Variants in PANK3 observed in about 807,000 individuals in gnomAD.
The protein encoded by PANK3 is pantothenate kinase 3, also known as hPanK3.
PANK3 carries 20 observed loss-of-function variants against 39.4 expected under a neutral mutation model. That is an observed-to-expected ratio of 0.51 (90% confidence interval 0.36 to 0.74). The LOEUF is 0.74. PANK3 is among the 30% of genes least tolerant of loss of function. The probability of loss-of-function intolerance (pLI) is 0.00; values close to 1 mark genes in which losing one functional copy is unlikely to be tolerated. For missense variants in PANK3, 265 were observed against 437.0 expected (o/e 0.61, Z 3.51); for synonymous variants, 140 against 157.3 (o/e 0.89, Z 0.82).
chr5:168,551,186 T>C lies in PANK3; in HGVS notation c.*6385A>G, dbSNP rs1276601023. The C allele has an allele frequency of 1.3e-5, 2 of 152,154 alleles. No individual in the cohort carries two copies. Among genetic ancestry groups the C allele is most frequent in the South Asian group, 2.1e-4 (1 of 4,828 alleles). The allele number at this position is 152,154 out of a possible 1,614,324, so 9.4% of individuals were successfully genotyped here. On this transcript the variant is annotated 3_prime_UTR_variant, in exon 7 of 7. Transcript: ENST00000239231. ...TAAATATTGAAAAGAGGCAGTAATA[T>C]AGATAAAACACACTATTTTCTGAGA...
intron 2 of PANK3, among the ~76,000 whole-genome samples, chr5:168,567,822 A>G (rs548350212): frequency 6.6e-6 from 1 of 152,146 alleles, no homozygotes; most frequent in African/African-American, 2.4e-5. Flanking sequence ...GTCCCACTAT[A>G]TTGCCCAGGC....
At position 168,569,030 on chromosome 5, in the gene PANK3, A is replaced by AAATATATATATATAT. The variant is rs1554125888; in HGVS notation, c.29-33_29-32insATATATATATATATT. On this transcript the variant is annotated intron_variant, in intron 1 of 6. Coordinates refer to ENST00000239231, the MANE Select transcript of PANK3 (RefSeq NM_024594.4). ...GAGGAAAAAAAAAAAAAAAAAAAAA[A>AAATATATATATATAT]ATATATATATATATATATATCCATT... 4.0e-3 allele frequency: 476 copies of AAATATATATATATAT among 119,914 alleles called. 4 individuals carry two copies. Among genetic ancestry groups the AAATATATATATATAT allele is most frequent in the Admixed American group, 7.2e-3 (39 of 5,432 alleles). 7.4% of individuals were successfully genotyped at this position (119,914 alleles called of 1,614,324 possible). A position where few individuals can be genotyped will look rare whatever the true frequency, so the allele number is the denominator to read the frequency against.
intron 5 of PANK3, among the ~76,000 whole-genome samples, chr5:168,560,103 C>A (rs1759422925): frequency 6.6e-6 from 1 of 152,092 alleles, no homozygotes; most frequent in Non-Finnish European, 1.5e-5. Flanking sequence ...ATTGTTAACT[C>A]AATTGGTCAG....
Position 168,556,163 on chromosome 5 carries a change from G to C in PANK3, c.*1408C>G, listed in dbSNP as rs1273733006. ...CTCCAGATTCAGGCAAGGGGAATAG[G>C]AAAGAAAGTGCGAGATAAGAGCATG... On this transcript the variant is annotated 3_prime_UTR_variant, in exon 7 of 7. Coordinates refer to ENST00000239231, the MANE Select transcript of PANK3 (RefSeq NM_024594.4). 6.6e-6 allele frequency: 1 copy of C among 152,212 alleles called. No individual in the cohort carries two copies. The highest frequency in any genetic ancestry group is 1.5e-5 in the Non-Finnish European group (1 of 68,050). The allele number at this position is 152,212 out of a possible 1,614,324, so 9.4% of individuals were successfully genotyped here.
Position 168,579,247 on chromosome 5 carries a change from C to A in PANK3, c.28+9G>T, listed in dbSNP as rs1216656681. On this transcript the variant is annotated intron_variant, in intron 1 of 6. Transcript: ENST00000239231. The stretch of plus-strand genomic sequence containing the variant: ...CTCCCAACCTGGCGGGCCCCAGCCC[C>A]CGTCTTACAGGGTTTCTTGGCATCT... The A allele has an allele frequency of 2.7e-6, 4 of 1,491,554 alleles. No homozygotes were observed. The highest frequency in any genetic ancestry group is 3.6e-6 in the Non-Finnish European group (4 of 1,118,172). The allele number at this position is 1,491,554 out of a possible 1,614,324, so 92.4% of individuals were successfully genotyped here.
At chr5:168,561,340 G>T in intron 5 of PANK3, 53 bp downstream of exon 5, 1 of 1,501,326 alleles carries the variant, frequency 6.7e-7, no homozygotes, top group South Asian at 1.3e-5. Flanking sequence ...GTGTATATAG[G>T]ACTCCAATTC....
intron 3 of PANK3, among the ~76,000 whole-genome samples, chr5:168,564,560 A>G (rs950576479): frequency 8.5e-5 from 13 of 152,122 alleles, no homozygotes; most frequent in African/African-American, 3.1e-4. Flanking sequence ...CAGCCTCCGC[A>G]GCAGCTAGAC....
chr5:168,551,823 G>A lies in PANK3; in HGVS notation c.*5748C>T, dbSNP rs1253791642. On this transcript the variant is annotated 3_prime_UTR_variant, in exon 7 of 7. Transcript: ENST00000239231. ...GAGTCTAATATTTGGCAAATAATCT[G>A]AACCACTTTAAGGGCTTTCAATTAC... 2 of 152,112 alleles carry A rather than the reference G, an allele frequency of 1.3e-5. No individual in the cohort carries two copies. Among genetic ancestry groups the A allele is most frequent in the Non-Finnish European group, 2.9e-5 (2 of 68,026 alleles). 9.4% of individuals were successfully genotyped at this position (152,112 alleles called of 1,614,324 possible).
At position 168,557,433 on chromosome 5, in the gene PANK3, CCTTTAA is replaced by C; in HGVS notation, c.*132_*137del. 1.4e-6 allele frequency: 1 copy of C among 717,492 alleles called. No homozygotes were observed. The highest frequency in any genetic ancestry group is 2.3e-6 in the Non-Finnish European group (1 of 427,750). The allele number at this position is 717,492 out of a possible 1,614,324, so 44.4% of individuals were successfully genotyped here. A position where few individuals can be genotyped will look rare whatever the true frequency, so the allele number is the denominator to read the frequency against. ...AATACTTCACGTTACCAAGTTCTCT[CCTTTAA>C]TATGGCAACATTCAGCAGCTTATGC... On this transcript the variant is annotated 3_prime_UTR_variant, in exon 7 of 7. Coordinates refer to ENST00000239231, the MANE Select transcript of PANK3 (RefSeq NM_024594.4).
At chr5:168,559,981 G>A (rs1471571369) in intron 5 of PANK3, among the ~76,000 whole-genome samples, 1 of 152,082 alleles carries the variant, frequency 6.6e-6, no homozygotes, top group African/African-American at 2.4e-5. Context: ...TCTTACAAAG[G>A]GGAACTGGTG....
intron 1 of PANK3, among the ~76,000 whole-genome samples, chr5:168,574,798 T>C (rs961060461): frequency 1.1e-4 from 17 of 152,076 alleles, no homozygotes; most frequent in African/African-American, 4.1e-4. Flanking sequence ...GAGGCAGAGG[T>C]TGCAGTGAGC....
intron 4 of PANK3, among the ~76,000 whole-genome samples, chr5:168,562,666 C>T (rs1759465341): frequency 6.6e-6 from 1 of 152,048 alleles, no homozygotes; most frequent in Non-Finnish European, 1.5e-5. Context: ...TTGGAGAGGC[C>T]TTTTTAAATG....
intron 3 of PANK3, among the ~76,000 whole-genome samples, 174 bp downstream of exon 3, chr5:168,565,831 TGGGCAACA>T (rs1759513744): frequency 1.4e-5 from 2 of 138,676 alleles, no homozygotes; most frequent in African/African-American, 5.3e-5. Context: ...AAGAGCAGCC[TGGGCAACA>T]TGGCACCCTC....
chr5:168,561,381 T>G lies in PANK3; in HGVS notation c.936+12A>C, dbSNP rs200108400. The G allele has an allele frequency of 6.4e-7, 1 of 1,565,038 alleles. No individual in the cohort carries two copies. Among genetic ancestry groups the G allele is most frequent in the Non-Finnish European group, 8.6e-7 (1 of 1,160,408 alleles). ...TTTGATAATTCAAGTTTTGTGTTTTTTGTTTTTTTACCTCATTAACAGCAC... is the reference window on the plus strand; with the variant it reads ...TTTGATAATTCAAGTTTTGTGTTTTGTGTTTTTTTACCTCATTAACAGCAC... On this transcript the variant is annotated intron_variant, in intron 5 of 6. Transcript: ENST00000239231.
chr5:168,563,899 C>A lies in PANK3; in HGVS notation c.802G>T (p.Val268Leu). Reference sequence around the variant, plus strand: ...AAATGTTAAACTTACCTAGATGCTACAGCCCAACCTGGCAAACCAAATCTT... The same window carrying A: ...AAATGTTAAACTTACCTAGATGCTAAAGCCCAACCTGGCAAACCAAATCTT... ...YERFGLPGWA[V>L]ASSFGNMIYK... is the part of the protein sequence containing the mutation. Residue 268 changes from valine (V) to leucine (L), a missense_variant, in exon 4 of 7, where the codon GTA becomes TTA. Val to Leu is a conservative substitution (Grantham distance 32). Around this residue, in one of 3 missense-constraint regions of PANK3, gnomAD observed 110 missense variants for 161.2 expected, o/e 0.68. Coordinates refer to ENST00000239231, the MANE Select transcript of PANK3 (RefSeq NM_024594.4). 1 of 1,606,406 alleles carries A rather than the reference C, an allele frequency of 6.2e-7. No homozygotes were observed. The highest frequency in any genetic ancestry group is 1.1e-5 in the South Asian group (1 of 89,450).
chr5:168,549,612 G>C lies in PANK3; in HGVS notation c.*7959C>G, dbSNP rs930338953. On this transcript the variant is annotated 3_prime_UTR_variant, in exon 7 of 7. Coordinates refer to ENST00000239231, the MANE Select transcript of PANK3 (RefSeq NM_024594.4). ...CCTTTGAAAAATACATTCCTCTTTT[G>C]TTCTTTTAAATGCAAAATTAGTGGC... The C allele has an allele frequency of 1.3e-5, 2 of 151,926 alleles. No homozygotes were observed. The highest frequency in any genetic ancestry group is 4.8e-5 in the African/African-American group (2 of 41,340). 9.4% of individuals were successfully genotyped at this position (151,926 alleles called of 1,614,324 possible).
chr5:168,566,649 C>T (rs754628305), intron 2 of PANK3, among the ~76,000 whole-genome samples: 1 of 152,204 alleles, frequency 6.6e-6, no homozygotes, highest in Non-Finnish European at 1.5e-5. Context: ...TTATAATTAT[C>T]TGAGGCTAGA....
chr5:168,569,008 G>GTA lies in PANK3; in HGVS notation c.29-11_29-10insTA. On this transcript the variant is annotated splice_polypyrimidine_tract_variant and intron_variant, in intron 1 of 6. Coordinates refer to ENST00000239231, the MANE Select transcript of PANK3 (RefSeq NM_024594.4). Reference sequence around the variant, plus strand: ...CCAAACCATGGGAAAGCTATGGGAGGAAAAAAAAAAAAAAAAAAAAAAATA... The same window carrying GTA: ...CCAAACCATGGGAAAGCTATGGGAGGTAAAAAAAAAAAAAAAAAAAAAAAATA... 2 of 90,204 alleles carry GTA rather than the reference G, an allele frequency of 2.2e-5. No homozygotes were observed. Among genetic ancestry groups the GTA allele is most frequent in the Non-Finnish European group, 3.6e-5 (2 of 55,370 alleles). The allele number at this position is 90,204 out of a possible 1,614,324, so 5.6% of individuals were successfully genotyped here.
intron 1 of PANK3, among the ~76,000 whole-genome samples, chr5:168,571,977 G>A (rs908914272): frequency 3.9e-5 from 6 of 152,150 alleles, no homozygotes; most frequent in African/African-American, 1.4e-4. Context: ...AATTTGGGAA[G>A]CCAGGGGCAG....
Sources: gnomAD v4.1 joint callset for allele counts (sites outside exome capture counted in the v4.1 genomes callset) on GRCh38, gnomAD v4.1.1 for gene constraint, gnomAD v4.1.1 regional missense constraint, MANE v1.5 for transcripts, NCBI Gene and HGNC (gene_info 2026-07-23, HGNC 2026-07-21) for gene names.